The following ABTB3 variants were observed in gnomAD, a reference collection of about 807,000 sequenced individuals.
ABTB3 encodes the protein ankyrin repeat and BTB domain containing 3, also known as ankyrin repeat- and BTB/POZ domain-containing protein 3.
At chr12:107,594,846 G>A in the ABTB3 span, among the ~76,000 whole-genome samples, 1 of 152,014 alleles carries the variant, frequency 6.6e-6, no homozygotes, top group Non-Finnish European at 1.5e-5. Flanking sequence ...AAAAGATGAT[G>A]CAAAAAAATT....
chr12:107,402,315 G>A, the ABTB3 span, among the ~76,000 whole-genome samples: 1 of 152,296 alleles, frequency 6.6e-6, no homozygotes, highest in East Asian at 1.9e-4. Context: ...TGCCTCTCAT[G>A]TGGGCAAAGG....
chr12:107,567,559 T>C, the ABTB3 span, among the ~76,000 whole-genome samples: 1 of 152,170 alleles, frequency 6.6e-6, no homozygotes, highest in Non-Finnish European at 1.5e-5. Context: ...GCCTATCCCT[T>C]ATAGGCTAGG....
chr12:107,518,956 A>G, the ABTB3 span, among the ~76,000 whole-genome samples: 2 of 152,336 alleles, frequency 1.3e-5, no homozygotes, highest in South Asian at 2.1e-4. Flanking sequence ...TCCTTCACTT[A>G]CACTGGGAGC....
the ABTB3 span, among the ~76,000 whole-genome samples, chr12:107,640,786 C>G: frequency 6.6e-6 from 1 of 152,262 alleles, no homozygotes; most frequent in Admixed American, 6.5e-5. Flanking sequence ...CAGATCCTGA[C>G]TTTACTTTTC....
the ABTB3 span, among the ~76,000 whole-genome samples, chr12:107,440,560 GTTGT>G: frequency 1.3e-5 from 2 of 152,104 alleles, no homozygotes; most frequent in South Asian, 2.1e-4. Flanking sequence ...GCCTTGATTA[GTTGT>G]TTGTTTGTTC....
chr12:107,635,983 G>T, the ABTB3 span, among the ~76,000 whole-genome samples: 12 of 151,766 alleles, frequency 7.9e-5, no homozygotes, highest in Admixed American at 2.6e-4. Flanking sequence ...AACCTCTTCT[G>T]GGAGGCGTGC....
the ABTB3 span, among the ~76,000 whole-genome samples, chr12:107,404,162 CAAAAAA>C: frequency 4.0e-4 from 16 of 40,250 alleles, no homozygotes; most frequent in East Asian, 3.3e-3. Context: ...GACTCTAACT[CAAAAAA>C]AAAAAAAAAA....
At chr12:107,536,723 A>G in the ABTB3 span, among the ~76,000 whole-genome samples, 1 of 152,172 alleles carries the variant, frequency 6.6e-6, no homozygotes, top group Non-Finnish European at 1.5e-5. Flanking sequence ...AAAAAGAAAA[A>G]ATAACAAATA....
chr12:107,589,744 C>T, the ABTB3 span, among the ~76,000 whole-genome samples: 3 of 152,222 alleles, frequency 2.0e-5, no homozygotes, highest in Admixed American at 1.3e-4. Context: ...AGACAGCTGG[C>T]CTCCTCCTCT....
At chr12:107,557,037 T>C in the ABTB3 span, among the ~76,000 whole-genome samples, 1 of 152,112 alleles carries the variant, frequency 6.6e-6, no homozygotes, top group East Asian at 1.9e-4. Flanking sequence ...ATAATGATAA[T>C]CAAATCACTC....
the ABTB3 span, among the ~76,000 whole-genome samples, chr12:107,553,476 A>G: frequency 2.0e-5 from 3 of 152,194 alleles, no homozygotes; most frequent in Non-Finnish European, 4.4e-5. Context: ...ACTATAGGGA[A>G]GGGAGCTACA....
chr12:107,521,123 T>C, the ABTB3 span, among the ~76,000 whole-genome samples: 233 of 152,286 alleles, frequency 1.5e-3, 1 homozygote, highest in African/African-American at 5.3e-3. Context: ...AGGACAATGG[T>C]CTTTAATGGA....
chr12:107,436,381 C>A, the ABTB3 span, among the ~76,000 whole-genome samples: 2 of 152,196 alleles, frequency 1.3e-5, no homozygotes, highest in African/African-American at 4.8e-5. Flanking sequence ...GAGTGACAAG[C>A]TGGGCTTGGG....
At chr12:107,471,483 T>C in the ABTB3 span, among the ~76,000 whole-genome samples, 1 of 152,214 alleles carries the variant, frequency 6.6e-6, no homozygotes, top group African/African-American at 2.4e-5. Flanking sequence ...GAGGTAGTTG[T>C]AGTAAAAATA....
At chr12:107,520,779 G>A in the ABTB3 span, 1 of 1,048,362 alleles carries the variant, frequency 9.5e-7, no homozygotes, top group Non-Finnish European at 1.4e-6. Context: ...TGCCTGCTGT[G>A]TACACTAAAC....
the ABTB3 span, among the ~76,000 whole-genome samples, chr12:107,587,328 G>A: frequency 1.3e-5 from 2 of 152,234 alleles, no homozygotes; most frequent in Non-Finnish European, 2.9e-5. Flanking sequence ...GAGGCGGGCA[G>A]GGGCAGGGGA....
the ABTB3 span, among the ~76,000 whole-genome samples, chr12:107,460,295 A>G: frequency 9.9e-5 from 15 of 152,198 alleles, no homozygotes; most frequent in Non-Finnish European, 2.2e-4. Context: ...AAGATGGGAA[A>G]GCTCACTCTC....
chr12:107,616,334 G>A, the ABTB3 span, among the ~76,000 whole-genome samples: 1,619 of 152,306 alleles, frequency 0.011, 14 homozygotes, highest in Non-Finnish European at 0.017. Flanking sequence ...CCCCATGGCC[G>A]TGCCCTCAGG....
the ABTB3 span, chr12:107,642,206 T>C: frequency 1.3e-6 from 2 of 1,586,346 alleles, no homozygotes; most frequent in African/African-American, 2.7e-5. Flanking sequence ...TCTGTGCTGG[T>C]TGGCACAGGG....
Sources: gnomAD v4.1 joint callset for allele counts (sites outside exome capture counted in the v4.1 genomes callset) on GRCh38, gnomAD v4.1.1 for gene constraint, MANE v1.5 for transcripts, NCBI Gene and HGNC (gene_info 2026-07-23, HGNC 2026-07-21) for gene names.